The following TNFRSF18 variants were observed in gnomAD, a reference collection of about 807,000 sequenced individuals.
TNFRSF18 encodes the protein tumor necrosis factor receptor superfamily member 18.
TNFRSF18 carries 36 observed loss-of-function variants against 30.2 expected under a neutral mutation model. The ratio of observed to expected loss-of-function variants is 1.19; its 90% confidence interval spans 0.91 to 1.58. The LOEUF (loss-of-function observed/expected upper bound fraction) is 1.58, where lower values mean the gene tolerates loss of function less well. TNFRSF18 is among the 40% of genes most tolerant of loss of function. The probability of loss-of-function intolerance (pLI) is 0.00; values close to 1 mark genes in which losing one functional copy is unlikely to be tolerated. For synonymous variants in TNFRSF18, 173 were observed against 158.3 expected (o/e 1.09, Z -0.70); for missense variants, 369 against 345.4 (o/e 1.07, Z -0.54).
At position 1,204,396 on chromosome 1, in the gene TNFRSF18, C is replaced by CACT. The variant is rs1648707043; in HGVS notation, c.398_398+2dup. On this transcript the variant is annotated splice_region_variant and intron_variant, in intron 3 of 4. Coordinates refer to ENST00000379268, the MANE Select transcript of TNFRSF18 (RefSeq NM_004195.3). ...CCACCGGCAGGGCCCACCCAGGACTCACTCTGTCCAAGGTTTGCAGTGGCC... is the reference window on the plus strand; with the variant it reads ...CCACCGGCAGGGCCCACCCAGGACTCACTACTCTGTCCAAGGTTTGCAGTGGCC... 8 of 1,612,484 alleles carry CACT rather than the reference C, an allele frequency of 5.0e-6. No homozygotes were observed. The East Asian group carries it at 1.8e-4, about 36-fold the overall frequency.
Position 1,205,486 on chromosome 1 carries a change from T to A in TNFRSF18, c.194A>T (p.Glu65Val). ...CATGCAGTCCCACTCGGAACAGCAC[T>A]CCTCGCCTGGGCAGGAGACAGGCCA... is the stretch of plus-strand genomic sequence containing the variant. ...TRCCRDYPGE[E>V]CCSEWDCMCV... Residue 65 changes from glutamate to valine, a missense_variant, in exon 2 of 5, where the codon GAG (glutamate) becomes GTG (valine). Physicochemically the swap from Glu to Val is moderately radical, Grantham distance 121 (BLOSUM62 -2). Coordinates refer to ENST00000379268, the MANE Select transcript of TNFRSF18 (RefSeq NM_004195.3). 1.9e-6 allele frequency: 3 copies of A among 1,611,524 alleles called. No individual in the cohort carries two copies. The highest frequency in any genetic ancestry group is 2.5e-6 in the Non-Finnish European group (3 of 1,179,188).
chr1:1,206,080 T>C (rs1452171433), intron 1 of TNFRSF18, among the ~76,000 whole-genome samples: 1 of 152,088 alleles, frequency 6.6e-6, no homozygotes, highest in African/African-American at 2.4e-5. Context: ...GGCCAAGGGC[T>C]CACGACCCGC....
At chr1:1,205,124 T>C (rs4081335) in intron 2 of TNFRSF18, among the ~76,000 whole-genome samples, 11,458 of 151,686 alleles carry the variant, frequency 0.076, 514 homozygotes, top group East Asian at 0.13. Context: ...CGCCCCCACC[T>C]CCCCGCAGGG....
At chr1:1,204,276 A>C in intron 3 of TNFRSF18, 40 bp from the exon 4 acceptor site, 1 of 1,595,646 alleles carries the variant, frequency 6.3e-7, no homozygotes, top group Non-Finnish European at 8.5e-7. Context: ...GCCCCCGGAC[A>C]CGGCCTCCGA....
intron 1 of TNFRSF18, 46 bp downstream of exon 1, chr1:1,206,339 C>T (rs750884308): frequency 5.2e-6 from 8 of 1,534,152 alleles, no homozygotes; most frequent in East Asian, 5.0e-5. Flanking sequence ...CCGGCTTCCG[C>T]GGGACGCCTT....
At position 1,204,188 on chromosome 1, in the gene TNFRSF18, G is replaced by T. The variant is rs1392451829; in HGVS notation, c.447C>A (p.His149Gln). ...GGGACCCTGGGACGCACACAGCGTT[G>T]TGGGTCTTGTTCCCAGGGAACACAG... ...FLTVFPGNKT[H>Q]NAVCVPGSPP... Residue 149 changes from histidine to glutamine, a missense_variant, in exon 4 of 5, where the codon CAC becomes CAA. His to Gln is a conservative substitution (Grantham distance 24). Transcript: ENST00000379268. 1 of 1,612,168 alleles carries T rather than the reference G, an allele frequency of 6.2e-7. No homozygotes were observed. The highest frequency in any genetic ancestry group is 8.5e-7 in the Non-Finnish European group (1 of 1,179,714).
In TNFRSF18 at chr1:1,204,231, G is replaced by A. The variant is rs1255583671; in HGVS notation, c.404C>T (p.Thr135Ile). Residue 135 changes from threonine (T) to isoleucine (I), a missense_variant, in exon 4 of 5, where the codon ACC becomes ATC. Transcript: ENST00000379268. ...EGHCKPWTDC[T>I]QFGFLTVFPG... ...GAACACAGTGAGAAACCCGAACTGG[G>A]TGCAGCTGGAATACATGGACGCGGC... is the stretch of plus-strand genomic sequence containing the variant. The A allele has an allele frequency of 2.5e-6, 4 of 1,610,470 alleles. No homozygotes were observed. The highest frequency in any genetic ancestry group is 1.1e-5 in the South Asian group (1 of 90,750).
chr1:1,205,709 C>T (rs1206096024), intron 1 of TNFRSF18: 4 of 573,882 alleles, frequency 7.0e-6, no homozygotes, highest in Non-Finnish European at 3.1e-6. Flanking sequence ...CTTTGCGCCC[C>T]ACAGCTGCCC....
Sources: allele counts gnomAD v4.1 joint callset (sites outside exome capture counted in the v4.1 genomes callset), GRCh38; gene constraint gnomAD v4.1.1; transcripts MANE v1.5; gene names NCBI Gene and HGNC (gene_info 2026-07-23, HGNC 2026-07-21).